The following KTN1 variants were observed in gnomAD, a reference collection of about 807,000 sequenced individuals.
KTN1 encodes kinectin 1.
Under a neutral mutation model 222.5 loss-of-function variants are expected in KTN1, and 130 were observed. That is an observed-to-expected ratio of 0.58 (90% CI 0.51 to 0.68). The LOEUF (loss-of-function observed/expected upper bound fraction) is 0.68, where lower values mean the gene tolerates loss of function less well. Among genes scored for constraint, KTN1 ranks in the 30% least tolerant of loss-of-function variants. The pLI, the probability that KTN1 is intolerant of heterozygous loss-of-function variation, is 0.00. For missense variants in KTN1, 1,508 were observed against 1,500.4 expected (o/e 1.01, Z -0.08); for synonymous variants, 512 against 496.3 (o/e 1.03, Z -0.42).
chr14:55,658,498 G>A (rs780795461), intron 29 of KTN1, 48 bp from the exon 30 acceptor site: 1 of 1,086,116 alleles, frequency 9.2e-7, no homozygotes, highest in Non-Finnish European at 1.4e-6. Flanking sequence ...CTAAGTTTAT[G>A]TGGAAAAAAT....
intron 1 of KTN1, among the ~76,000 whole-genome samples, chr14:55,611,056 A>G (rs938568543): frequency 6.6e-6 from 1 of 152,094 alleles, no homozygotes; most frequent in Non-Finnish European, 1.5e-5. Context: ...CCTTTAAAAA[A>G]CTGAGATAAG....
At chr14:55,667,814 T>C (rs1055220573) in intron 34 of KTN1, 3 of 152,070 alleles carry the variant, frequency 2.0e-5, no homozygotes, top group African/African-American at 7.2e-5. Flanking sequence ...AGGTAGTACA[T>C]GTTCTCCTTT....
intron 13 of KTN1, 77 bp downstream of exon 13, chr14:55,639,299 T>TAATC: frequency 9.7e-7 from 1 of 1,028,306 alleles, no homozygotes; most frequent in Non-Finnish European, 1.5e-6. Flanking sequence ...CACTTATGAT[T>TAATC]AACTTTATAC....
chr14:55,637,009 A>G lies in KTN1; in HGVS notation c.1550-189A>G, dbSNP rs540152558. ...AGATAATGGAGTACGTGTTATGTGTATTGTTTATTTCTCTACTACTCCCTT... is the reference window on the plus strand; with the variant it reads ...AGATAATGGAGTACGTGTTATGTGTGTTGTTTATTTCTCTACTACTCCCTT... On this transcript the variant is annotated intron_variant, in intron 10 of 43. Coordinates refer to ENST00000395314, the MANE Select transcript of KTN1 (RefSeq NM_001079521.2). 3.3e-5 allele frequency among the ~76,000 whole-genome samples: 5 copies of G among 152,152 alleles called. No individual in the cohort carries two copies. The South Asian group carries it at 1.0e-3, about 32-fold the overall frequency.
At chr14:55,611,581 A>G (rs765347865) in intron 1 of KTN1, among the ~76,000 whole-genome samples, 8 of 152,128 alleles carry the variant, frequency 5.3e-5, no homozygotes, top group Non-Finnish European at 7.3e-5. Flanking sequence ...GTGTGTGTGC[A>G]TTTCAGAATA....
At chr14:55,649,998 AAAAAAAAAAC>A (rs1595102676) in intron 22 of KTN1, among the ~76,000 whole-genome samples, 185 bp downstream of exon 22, 3 of 151,742 alleles carry the variant, frequency 2.0e-5, no homozygotes, top group Non-Finnish European at 2.9e-5. Context: ...TATAATTAAA[AAAAAAAAAAC>A]AAAAAAAAAC....
At chr14:55,639,144 C>T (rs981470820) in intron 12 of KTN1, 41 bp from the exon 13 acceptor site, 22 of 1,374,620 alleles carry the variant, frequency 1.6e-5, no homozygotes, top group Non-Finnish European at 2.3e-5. Flanking sequence ...ATAAAGCTTT[C>T]TCTTAAATAC....
chr14:55,641,648 C>T (rs1372906799), intron 17 of KTN1, 44 bp from the exon 18 acceptor site: 1 of 1,202,152 alleles, frequency 8.3e-7, no homozygotes, highest in Non-Finnish European at 1.2e-6. Context: ...TGCTTTATTA[C>T]CTTTTTTCTT....
intron 30 of KTN1, among the ~76,000 whole-genome samples, chr14:55,658,997 G>A (rs1424003870): frequency 6.6e-6 from 1 of 152,092 alleles, no homozygotes; most frequent in Non-Finnish European, 1.5e-5. Flanking sequence ...TGTATCATAA[G>A]CAATAGTCTA....
rs78383344 is a variant in KTN1 at position 55,656,277 on chromosome 14, T to C, written c.2892+145T>C. 302 of 609,354 alleles carry C rather than the reference T, an allele frequency of 5.0e-4. 1 individual carries two copies. The East Asian group carries it at 8.4e-3, about 17-fold the overall frequency. The allele number at this position is 609,354 out of a possible 1,614,324, so 37.7% of individuals were successfully genotyped here. On this transcript the variant is annotated intron_variant, in intron 29 of 43. Transcript: ENST00000395314. Reference sequence around the variant, plus strand: ...CTAGGTGTCATTATTGGCATGTTTTTTGAGTAAGTACCCATGCATAAAATG... The same window carrying C: ...CTAGGTGTCATTATTGGCATGTTTTCTGAGTAAGTACCCATGCATAAAATG...
intron 18 of KTN1, among the ~76,000 whole-genome samples, chr14:55,646,033 G>A (rs1422202490): frequency 6.6e-6 from 1 of 152,130 alleles, no homozygotes; most frequent in African/African-American, 2.4e-5. Context: ...TGGTCAGGCT[G>A]CTTGGCTGTC....
chr14:55,669,137 AT>A (rs1313007897), intron 34 of KTN1, among the ~76,000 whole-genome samples: 2 of 151,836 alleles, frequency 1.3e-5, no homozygotes, highest in African/African-American at 4.8e-5. Flanking sequence ...TGGGGGATGT[AT>A]TTTTTGGCAG....
intron 1 of KTN1, among the ~76,000 whole-genome samples, chr14:55,592,030 A>T (rs1188011192): frequency 6.6e-6 from 1 of 152,168 alleles, no homozygotes. Flanking sequence ...TTTGCCAATT[A>T]TGTGTTATAA....
chr14:55,611,880 T>G (rs2037629303), intron 1 of KTN1, 139 bp from the exon 2 acceptor site: 1 of 382,784 alleles, frequency 2.6e-6, no homozygotes, highest in Admixed American at 4.6e-5. Context: ...AGAATGTGAT[T>G]TAAAGAACTA....
intron 1 of KTN1, among the ~76,000 whole-genome samples, chr14:55,583,451 C>T (rs776702976): frequency 2.6e-5 from 4 of 152,162 alleles, no homozygotes; most frequent in South Asian, 4.1e-4. Context: ...TTTTACGAAT[C>T]GTCCTAGCTA....
intron 5 of KTN1, among the ~76,000 whole-genome samples, chr14:55,622,621 C>T (rs942065356): frequency 6.6e-6 from 1 of 152,154 alleles, no homozygotes; most frequent in African/African-American, 2.4e-5. Flanking sequence ...TTCCCCATAA[C>T]CTCTTGCCTA....
At chr14:55,672,058 A>G in intron 37 of KTN1, 181 bp downstream of exon 37, 2 of 544,468 alleles carry the variant, frequency 3.7e-6, no homozygotes, top group Non-Finnish European at 6.6e-6. Flanking sequence ...TGCCCACCCA[A>G]GTTTGAAAAT....
At position 55,636,453 on chromosome 14, in the gene KTN1, A is replaced by T; in HGVS notation, c.1466A>T (p.Gln489Leu). Residue 489 changes from glutamine (Q) to leucine (L), a missense_variant, in exon 10 of 44, where the codon CAA becomes CTA. Gln to Leu is a moderately radical substitution (Grantham distance 113). Transcript: ENST00000395314. ...AEQAATQLKV[Q>L]LQEAERRWEE... Reference sequence around the variant, plus strand: ...TCTCCCTTTTAAAATACCAAGGTTCAACTACAAGAAGCTGAGAGAAGGTGG... The same window carrying T: ...TCTCCCTTTTAAAATACCAAGGTTCTACTACAAGAAGCTGAGAGAAGGTGG... 6.2e-7 allele frequency: 1 copy of T among 1,607,576 alleles called. No homozygotes were observed. The highest frequency in any genetic ancestry group is 8.5e-7 in the Non-Finnish European group (1 of 1,176,060).
chr14:55,635,923 T>C, intron 9 of KTN1, among the ~76,000 whole-genome samples: 1 of 152,184 alleles, frequency 6.6e-6, no homozygotes, highest in Non-Finnish European at 1.5e-5. Flanking sequence ...TATTTAATAT[T>C]GATCTTGCTG....
Sources: allele counts gnomAD v4.1 joint callset (sites outside exome capture counted in the v4.1 genomes callset), GRCh38; gene constraint gnomAD v4.1.1; transcripts MANE v1.5; gene names NCBI Gene and HGNC (gene_info 2026-07-23, HGNC 2026-07-21).